COL5A1: variants seen among roughly 807,000 people sequenced by gnomAD.
COL5A1 encodes the protein collagen alpha-1(V) chain.
A neutral mutation model predicts 263.7 loss-of-function variants in COL5A1; 16 were observed. The observed-to-expected ratio is 0.06, with a 90% CI of 0.04 to 0.09. The LOEUF (loss-of-function observed/expected upper bound fraction) is 0.09. Ranked by LOEUF, COL5A1 falls within the 10% of genes least tolerant of loss-of-function variation. COL5A1 has a pLI of 1.00. For missense variants in COL5A1, 2,036 were observed against 2,540.5 expected (o/e 0.80, Z 4.27); for synonymous variants, 1,012 against 1,004.5 (o/e 1.01, Z -0.14).
chr9:134,745,505 G>A (rs1430016507), intron 11 of COL5A1, among the ~76,000 whole-genome samples: 1 of 152,146 alleles, frequency 6.6e-6, no homozygotes, highest in Non-Finnish European at 1.5e-5. Flanking sequence ...GGTGGCCTAT[G>A]GATAAAGAGC....
At chr9:134,834,035 G>A (rs1338159011) in intron 64 of COL5A1, among the ~76,000 whole-genome samples, 2 of 152,196 alleles carry the variant, frequency 1.3e-5, no homozygotes, top group African/African-American at 4.8e-5. Flanking sequence ...GGTGGGGAGT[G>A]TCCCAGGCCG....
chr9:134,741,857 C>T lies in COL5A1; in HGVS notation c.1494+3049C>T, dbSNP rs1260677969. Among the ~76,000 whole-genome samples, 2 of 152,156 alleles carry T rather than the reference C, an allele frequency of 1.3e-5. No individual in the cohort carries two copies. Among genetic ancestry groups the T allele is most frequent in the Non-Finnish European group, 2.9e-5 (2 of 68,034 alleles). ...CCCAACCTCCCGCCTTGGGCTTCCC[C>T]AGCCCTTCCTCCCTTCCCCAAGGGC... On this transcript the variant is annotated intron_variant, in intron 11 of 65. Coordinates refer to ENST00000371817, the MANE Select transcript of COL5A1 (RefSeq NM_000093.5). This position sits in a 1 kb window ranked among gnomAD's most constrained non-coding sequence, Gnocchi z 4.5.
intron 63 of COL5A1, among the ~76,000 whole-genome samples, chr9:134,829,504 CAGT>C (rs1414140606): frequency 1.3e-5 from 2 of 150,850 alleles, no homozygotes; most frequent in Non-Finnish European, 1.5e-5. Flanking sequence ...ACGCAGCCTC[CAGT>C]CTCCCCGAGG....
intron 1 of COL5A1, among the ~76,000 whole-genome samples, chr9:134,679,658 TGG>T (rs1165230896): frequency 3.8e-5 from 1 of 26,448 alleles, no homozygotes; most frequent in African/African-American, 1.6e-4. Context: ...CGGGGCTGGT[TGG>T]GGGCACTGCG....
At chr9:134,674,908 T>G (rs1321154568) in intron 1 of COL5A1, among the ~76,000 whole-genome samples, 5 of 152,150 alleles carry the variant, frequency 3.3e-5, no homozygotes, top group African/African-American at 1.2e-4. Flanking sequence ...TGAATTTTAC[T>G]GCATATAAAT....
At position 134,755,371 on chromosome 9, in the gene COL5A1, C is replaced by T. The variant is rs534264375; in HGVS notation, c.1827+1045C>T. Among the ~76,000 whole-genome samples the T allele has an allele frequency of 4.6e-5, 7 of 152,178 alleles. No homozygotes were observed. The South Asian group carries it at 8.3e-4, about 18-fold the overall frequency. ...TTAAAAACTGGAACAAGAGGAGACTCGGGAAATGCTGTCTAACATGGCCAG... is the reference window on the plus strand; with the variant it reads ...TTAAAAACTGGAACAAGAGGAGACTTGGGAAATGCTGTCTAACATGGCCAG... On this transcript the variant is annotated intron_variant, in intron 16 of 65. Coordinates refer to ENST00000371817, the MANE Select transcript of COL5A1 (RefSeq NM_000093.5). This position sits in a 1 kb window ranked among gnomAD's most constrained non-coding sequence, Gnocchi z 4.1.
At chr9:134,712,391 G>C (rs1365912155) in intron 4 of COL5A1, among the ~76,000 whole-genome samples, 1 of 91,546 alleles carries the variant, frequency 1.1e-5, no homozygotes, top group African/African-American at 4.6e-5. Context: ...CCTGTCTCTC[G>C]TTATCCCTGT....
intron 63 of COL5A1, among the ~76,000 whole-genome samples, chr9:134,828,522 C>T (rs1022703768): frequency 1.3e-5 from 2 of 149,690 alleles, no homozygotes; most frequent in African/African-American, 5.0e-5. Flanking sequence ...CACAGATACA[C>T]GATACACATA....
intron 18 of COL5A1, among the ~76,000 whole-genome samples, chr9:134,760,839 T>C (rs111066206): frequency 0.14 from 18,162 of 126,308 alleles, 1,965 homozygotes; most frequent in African/African-American, 0.32. Context: ...CATGCACACA[T>C]GCATACACAC....
In COL5A1 at chr9:134,701,758, C is replaced by T. The variant is rs114112535; in HGVS notation, c.654+425C>T. Among the ~76,000 whole-genome samples, 1,135 of 152,320 alleles carry T rather than the reference C, an allele frequency of 7.5e-3. 14 individuals carry two copies. Among genetic ancestry groups the T allele is most frequent in the African/African-American group, 0.026 (1,080 of 41,592 alleles). ...GGGCAGAGCTGGGCCACCGTGTGGA[C>T]GCACCAGGGAGACCTGTGCCGACCC... On this transcript the variant is annotated intron_variant, in intron 4 of 65. Coordinates refer to ENST00000371817, the MANE Select transcript of COL5A1 (RefSeq NM_000093.5).
At chr9:134,691,129 G>C (rs767227843) in intron 2 of COL5A1, 50 bp downstream of exon 2, 10 of 1,608,276 alleles carry the variant, frequency 6.2e-6, no homozygotes, top group Non-Finnish European at 8.5e-6. Flanking sequence ...TTGGCCCTCT[G>C]GCCTCCAGCC....
At chr9:134,697,979 G>A (rs1833540021) in intron 2 of COL5A1, among the ~76,000 whole-genome samples, 1 of 152,186 alleles carries the variant, frequency 6.6e-6, no homozygotes, top group African/African-American at 2.4e-5. Flanking sequence ...AGCTACTTGG[G>A]AGGCTGAGGC....
rs566072440 is a variant in COL5A1 at position 134,793,511 on chromosome 9, C to T, written c.2701-1571C>T. ...GCCCCAGATGGCGTTGCGGTCGAGC[C>T]GGTATTTTGCTAACTGCCAGGGCCC... On this transcript the variant is annotated intron_variant, in intron 32 of 65. Coordinates refer to ENST00000371817, the MANE Select transcript of COL5A1 (RefSeq NM_000093.5). Among the ~76,000 whole-genome samples, 62 of 152,154 alleles carry T rather than the reference C, an allele frequency of 4.1e-4. 1 individual carries two copies. The South Asian group carries it at 4.4e-3, about 11-fold the overall frequency.
At chr9:134,691,923 T>C (rs1833298561) in intron 2 of COL5A1, 3 of 152,208 alleles carry the variant, frequency 2.0e-5, no homozygotes, top group African/African-American at 4.8e-5. Flanking sequence ...GAACCCACGA[T>C]CAGGGCAGTC....
At position 134,785,915 on chromosome 9, in the gene COL5A1, G is replaced by T. The variant is rs765424748; in HGVS notation, c.2593-80G>T. 40 of 1,334,492 alleles carry T rather than the reference G, an allele frequency of 3.0e-5. 1 individual carries two copies. The East Asian group carries it at 3.3e-4, about 11-fold the overall frequency. The allele number at this position is 1,334,492 out of a possible 1,614,324, so 82.7% of individuals were successfully genotyped here. The stretch of plus-strand genomic sequence containing the variant: ...CCCTCCTCCAGGCCCCTGCCAGAAC[G>T]CATGTCCTTTCTCTCTGCTCCGGGG... On this transcript the variant is annotated intron_variant, in intron 30 of 65. Transcript: ENST00000371817.
rs141737408 is a variant in COL5A1, at chr9:134,677,870, G to A, written c.110-13042G>A. ...GCTGCCTGGAACGCCCCATGGCATGGTTCCACGGGAGGGGCATCTTCTGCC... is the reference window on the plus strand; with the variant it reads ...GCTGCCTGGAACGCCCCATGGCATGATTCCACGGGAGGGGCATCTTCTGCC... On this transcript the variant is annotated intron_variant, in intron 1 of 65. Transcript: ENST00000371817. This position sits in a 1 kb window ranked among gnomAD's most constrained non-coding sequence, Gnocchi z 4.4. Among the ~76,000 whole-genome samples, 1 of 152,188 alleles carries A rather than the reference G, an allele frequency of 6.6e-6. No homozygotes were observed. Among genetic ancestry groups the A allele is most frequent in the Non-Finnish European group, 1.5e-5 (1 of 68,028 alleles).
In COL5A1 at chr9:134,677,386, C is replaced by T. The variant is rs537260448; in HGVS notation, c.110-13526C>T. ...AGGTACATCCTTGTGCTGGGTTCCA[C>T]TGAGCATTTCAGGACAGCAGGAGAG... is the stretch of plus-strand genomic sequence containing the variant. On this transcript the variant is annotated intron_variant, in intron 1 of 65. Transcript: ENST00000371817. The surrounding 1 kb of genome is among the most constrained non-coding windows in gnomAD (Gnocchi z 4.4). Among the ~76,000 whole-genome samples, 2 of 152,232 alleles carry T rather than the reference C, an allele frequency of 1.3e-5. No individual in the cohort carries two copies. Among genetic ancestry groups the T allele is most frequent in the African/African-American group, 4.8e-5 (2 of 41,532 alleles).
Position 134,699,882 on chromosome 9 carries a change from C to T in COL5A1, c.278-27C>T, listed in dbSNP as rs779373429. ...TGTGGTTGCAGGGGCTCCCCGACTG[C>T]CTTCTCACCTCTGTGCTCTGTTCCA... On this transcript the variant is annotated intron_variant, in intron 2 of 65. Transcript: ENST00000371817. The T allele has an allele frequency of 5.6e-6, 9 of 1,610,852 alleles. No homozygotes were observed. The East Asian group carries it at 2.0e-4, about 36-fold the overall frequency.
At chr9:134,690,829 C>T in intron 1 of COL5A1, 83 bp from the exon 2 acceptor site, 1 of 1,532,194 alleles carries the variant, frequency 6.5e-7, no homozygotes, top group Non-Finnish European at 9.0e-7. Context: ...GGTGGGGGTG[C>T]TTCCTGTCAT....
Sources: allele counts gnomAD v4.1 joint callset (sites outside exome capture counted in the v4.1 genomes callset), GRCh38; gene constraint gnomAD v4.1.1; non-coding constraint Gnocchi (gnomAD v3.1); transcripts MANE v1.5; gene names NCBI Gene and HGNC (gene_info 2026-07-23, HGNC 2026-07-21).